The following MACF1 variants were observed in gnomAD, a reference collection of about 807,000 sequenced individuals.
The protein encoded by MACF1 is microtubule actin crosslinking factor 1.
MACF1 carries 193 observed loss-of-function variants against 854.8 expected under a neutral mutation model. That is an observed-to-expected ratio of 0.23 (90% CI 0.20 to 0.25). The LOEUF is 0.25. Among genes scored for constraint, MACF1 ranks in the 10% least tolerant of loss-of-function variants. The pLI, the probability that MACF1 is intolerant of heterozygous loss-of-function variation, is 1.00. For missense variants in MACF1, 7,722 were observed against 8,929.1 expected (o/e 0.86, Z 5.45); for synonymous variants, 3,185 against 3,226.7 (o/e 0.99, Z 0.44).
In MACF1 at chr1:39,462,001, T is replaced by C; in HGVS notation, c.21642T>C (p.Tyr7214=). 1 of 1,614,000 alleles carries C rather than the reference T, an allele frequency of 6.2e-7. No individual in the cohort carries two copies. Among genetic ancestry groups the C allele is most frequent in the Non-Finnish European group, 8.5e-7 (1 of 1,179,986 alleles). The change falls in exon 93 of 101, where the codon TAT becomes TAC. Residue 7214 remains tyrosine (Y), a synonymous_variant. Coordinates refer to ENST00000564288, the MANE Select transcript of MACF1 (RefSeq NM_001394062.1). ...CTCTTCATCCCAACAAGGATGCGTA[T>C]CGACCAACAACCGATGCAGATAAAA... The part of the protein sequence containing the change: ...VAALHPNKDA[Y]RPTTDADKIE...
intron 2 of MACF1, among the ~76,000 whole-genome samples, chr1:39,127,513 G>A (rs1262722391): frequency 2.0e-5 from 3 of 152,236 alleles, no homozygotes; most frequent in Non-Finnish European, 4.4e-5. Context: ...CTCAGCCAGT[G>A]AAATAACTTG....
chr1:39,212,870 C>G (rs1644532848), intron 1 of MACF1, among the ~76,000 whole-genome samples: 1 of 152,224 alleles, frequency 6.6e-6, no homozygotes, highest in African/African-American at 2.4e-5. Context: ...AGTGATCTGC[C>G]CACCTTGGCC....
intron 2 of MACF1, among the ~76,000 whole-genome samples, chr1:39,161,290 G>C (rs1367468347): frequency 6.6e-6 from 1 of 152,162 alleles, no homozygotes; most frequent in African/African-American, 2.4e-5. Flanking sequence ...GGATAAGTAG[G>C]TAATTAGGGA....
chr1:39,095,015 A>G (rs1489582468), intron 2 of MACF1, among the ~76,000 whole-genome samples: 4 of 152,202 alleles, frequency 2.6e-5, no homozygotes, highest in Non-Finnish European at 5.9e-5. Flanking sequence ...GCCACCCTTC[A>G]GGAATCTTCA....
chr1:39,260,334 C>G (rs1645147552), intron 6 of MACF1: 1 of 151,318 alleles, frequency 6.6e-6, no homozygotes, highest in South Asian at 2.1e-4. Flanking sequence ...CTGAATGCTC[C>G]TAGGTTGCCC....
intron 47 of MACF1, among the ~76,000 whole-genome samples, chr1:39,359,465 A>G (rs571748519): frequency 1.3e-5 from 2 of 152,280 alleles, no homozygotes; most frequent in African/African-American, 4.8e-5. Context: ...GACCTTCACA[A>G]TCTGGCTTCA....
Position 39,118,036 on chromosome 1 carries a change from A to T in MACF1, c.220+33598A>T, listed in dbSNP as rs78973572. ...TCATGCAGGACCTTTTTGCCATATT[A>T]TCTATACATATGGGGCAGGATCCTA... On this transcript the variant is annotated intron_variant, in intron 2 of 93. Transcript: ENST00000361689. 3.2e-3 allele frequency among the ~76,000 whole-genome samples: 481 copies of T among 152,292 alleles called. 2 individuals carry two copies. Among genetic ancestry groups the T allele is most frequent in the African/African-American group, 0.011 (464 of 41,562 alleles).
At position 39,448,739 on chromosome 1, in the gene MACF1, C is replaced by T; in HGVS notation, c.20234C>T (p.Thr6745Ile). Reference protein sequence around the residue: ...FLGEVRDKWDTVCGKSVERQH... With the variant: ...FLGEVRDKWDIVCGKSVERQH... Reference sequence around the variant, plus strand: ...GGAGAAGTCAGAGACAAATGGGATACTGTTTGTGGCAAGTCTGTGGAGCGG... The same window carrying T: ...GGAGAAGTCAGAGACAAATGGGATATTGTTTGTGGCAAGTCTGTGGAGCGG... The change falls in exon 84 of 101, where the codon ACT becomes ATT. Residue 6745 changes from threonine to isoleucine, a missense_variant. Around this residue, in one of 15 missense-constraint regions of MACF1, gnomAD observed 729 missense variants for 900.5 expected, o/e 0.81. Coordinates refer to ENST00000564288, the MANE Select transcript of MACF1 (RefSeq NM_001394062.1). 6.2e-7 allele frequency: 1 copy of T among 1,612,554 alleles called. No homozygotes were observed. The highest frequency in any genetic ancestry group is 8.5e-7 in the Non-Finnish European group (1 of 1,179,200).
At chr1:39,453,277 T>C (rs1644372828) in intron 87 of MACF1, among the ~76,000 whole-genome samples, 1 of 152,234 alleles carries the variant, frequency 6.6e-6, no homozygotes, top group Non-Finnish European at 1.5e-5. Context: ...CTCAGAGATT[T>C]TAATCATGGA....
chr1:39,185,306 C>A (rs1332653645), intron 2 of MACF1, among the ~76,000 whole-genome samples: 16 of 136,648 alleles, frequency 1.2e-4, no homozygotes, highest in South Asian at 4.7e-4. Context: ...AAAAAAAAAA[C>A]AAAAAAGGAA....
At chr1:39,386,878 TTA>T (rs1408952836) in intron 57 of MACF1, among the ~76,000 whole-genome samples, 1 of 152,244 alleles carries the variant, frequency 6.6e-6, no homozygotes, top group Non-Finnish European at 1.5e-5. Flanking sequence ...TCTGGACTTC[TTA>T]TGATAACTTG....
intron 2 of MACF1, among the ~76,000 whole-genome samples, chr1:39,123,954 G>A (rs1373731381): frequency 6.6e-6 from 1 of 151,490 alleles, no homozygotes; most frequent in African/African-American, 2.4e-5. Context: ...TCTCAAACTG[G>A]CTGGTCTCAA....
At chr1:39,186,764 C>T (rs558637436) in intron 2 of MACF1, among the ~76,000 whole-genome samples, 3 of 151,332 alleles carry the variant, frequency 2.0e-5, no homozygotes, top group South Asian at 2.1e-4. Context: ...TGTACCACTG[C>T]GCCTGGCTAA....
chr1:39,324,269 G>A lies in MACF1; in HGVS notation c.4313G>A (p.Arg1438Lys). Residue 1438 changes from arginine to lysine, a missense_variant, in exon 34 of 101, where the codon AGG (arginine) becomes AAG (lysine). Arg to Lys is a conservative substitution (Grantham distance 26). Transcript: ENST00000564288. Reference sequence around the variant, plus strand: ...TTGGGCTGGGTGTCTACCCTAGCGAGGAATACACAAGGAAAAGCTACCTCA... The same window carrying A: ...TTGGGCTGGGTGTCTACCCTAGCGAAGAATACACAAGGAAAAGCTACCTCA... ...ELLGWVSTLA[R>K]NTQGKATSSE... 6.2e-7 allele frequency: 1 copy of A among 1,613,698 alleles called. No homozygotes were observed.
intron 2 of MACF1, among the ~76,000 whole-genome samples, chr1:39,196,473 C>T (rs932102866): frequency 1.3e-5 from 2 of 152,288 alleles, no homozygotes; most frequent in Admixed American, 6.5e-5. Flanking sequence ...CTAGTGTACT[C>T]ATGGGAGGGG....
At position 39,084,588 on chromosome 1, in the gene MACF1, A is replaced by G; in HGVS notation, c.220+150A>G. The G allele has an allele frequency of 1.4e-6, 1 of 716,404 alleles. No individual in the cohort carries two copies. The allele number at this position is 716,404 out of a possible 1,614,324, so 44.4% of individuals were successfully genotyped here. ...ATTTGTTATTATTATTCTTGGAAAG[A>G]CGTTGAAATAACATTAACGAAAAAC... On this transcript the variant is annotated intron_variant, in intron 2 of 93. Coordinates refer to the MACF1 transcript ENST00000361689. This position sits in a 1 kb window ranked among gnomAD's most constrained non-coding sequence, Gnocchi z 5.2.
rs781305758 is a variant in MACF1, at chr1:39,437,798, A to G, written c.18010A>G (p.Met6004Val). The G allele has an allele frequency of 6.2e-6, 10 of 1,613,666 alleles. No individual in the cohort carries two copies. The African/African-American group carries it at 8.0e-5, about 13-fold the overall frequency. The change falls in exon 71 of 101, where the codon ATG becomes GTG. Residue 6004 changes from methionine (M) to valine (V), a missense_variant. This residue lies in a region of MACF1 where 2,807 missense variants were observed against 3,235.8 expected (regional missense o/e 0.87). Transcript: ENST00000564288. ...TTAGTTTCATGATAAAATTGAGCCT[A>G]TGTTGGAGACACTGGAGAATCTTTC... ...STQFHDKIEP[M>V]LETLENLSSR...
Position 39,333,774 on chromosome 1 carries a change from G to A in MACF1, c.7186G>A (p.Glu2396Lys), listed in dbSNP as rs1292887992. 2 of 1,614,174 alleles carry A rather than the reference G, an allele frequency of 1.2e-6. No homozygotes were observed. Among genetic ancestry groups the A allele is most frequent in the Non-Finnish European group, 1.7e-6 (2 of 1,180,016 alleles). Residue 2396 changes from glutamate (E) to lysine (K), a missense_variant, in exon 37 of 101, where the codon GAA (glutamate) becomes AAA (lysine). By Grantham distance (56) the Glu-to-Lys change is moderately conservative. Around this residue, in one of 15 missense-constraint regions of MACF1, gnomAD observed 1,531 missense variants for 1,601.6 expected, o/e 0.96. Transcript: ENST00000564288. ...DAVTVGLLDK[E>K]TATRILERQV... ...AGTTACAGTTGGACTTCTTGACAAG[G>A]AAACAGCCACCAGAATTTTAGAGAG... is the stretch of plus-strand genomic sequence containing the variant.
chr1:39,418,469 G>A (rs1039227854), intron 58 of MACF1, among the ~76,000 whole-genome samples: 6 of 152,188 alleles, frequency 3.9e-5, no homozygotes, highest in African/African-American at 9.7e-5. Context: ...GACTGACGTC[G>A]TTCTCTCACT....
Sources: gnomAD v4.1 joint callset for allele counts (sites outside exome capture counted in the v4.1 genomes callset) on GRCh38, gnomAD v4.1.1 for gene constraint, gnomAD v4.1.1 regional missense constraint, Gnocchi (gnomAD v3.1) non-coding constraint, MANE v1.5 for transcripts, NCBI Gene and HGNC (gene_info 2026-07-23, HGNC 2026-07-21) for gene names.